The following PSKH1 variants were observed in gnomAD, a reference collection of about 807,000 sequenced individuals.
PSKH1 encodes serine/threonine-protein kinase H1.
In PSKH1, 12 loss-of-function variants were observed where a neutral mutation model predicts 26.7. The observed-to-expected ratio is 0.45, with a 90% CI of 0.29 to 0.73. The LOEUF (loss-of-function observed/expected upper bound fraction) is 0.73. PSKH1 is among the 30% of genes least tolerant of loss of function. The pLI, the probability that PSKH1 is intolerant of heterozygous loss-of-function variation, is 0.11. For synonymous variants in PSKH1, 213 were observed against 234.3 expected (o/e 0.91, Z 0.83); for missense variants, 431 against 595.2 (o/e 0.72, Z 2.87).
intron 2 of PSKH1, among the ~76,000 whole-genome samples, chr16:67,920,248 C>A (rs1321539814): frequency 1.3e-5 from 2 of 152,138 alleles, no homozygotes; most frequent in Non-Finnish European, 2.9e-5. Flanking sequence ...ATTCTGACCT[C>A]TTTATTTATT....
chr16:67,896,535 CTTTTT>C (rs959626962), intron 1 of PSKH1, among the ~76,000 whole-genome samples: 1 of 80,952 alleles, frequency 1.2e-5, no homozygotes, highest in Non-Finnish European at 2.4e-5. Flanking sequence ...TAGTGTGCTT[CTTTTT>C]TTTTTTTTTT....
intron 2 of PSKH1, among the ~76,000 whole-genome samples, chr16:67,923,892 A>T (rs1274401478): frequency 1.3e-5 from 2 of 152,202 alleles, no homozygotes. Context: ...CTCCAGGGGA[A>T]GCAGGTGGGT....
At chr16:67,904,402 T>C (rs935390027) in intron 1 of PSKH1, among the ~76,000 whole-genome samples, 2 of 151,916 alleles carry the variant, frequency 1.3e-5, no homozygotes, top group African/African-American at 4.8e-5. Context: ...GATGGGGTTT[T>C]ACCATATTGG....
chr16:67,925,703 G>A (rs913487334), intron 2 of PSKH1, among the ~76,000 whole-genome samples: 4 of 152,140 alleles, frequency 2.6e-5, no homozygotes, highest in Admixed American at 6.5e-5. Flanking sequence ...TGATGAGGAT[G>A]ACCCTGTTAG....
chr16:67,899,411 C>T (rs559318783), intron 1 of PSKH1, among the ~76,000 whole-genome samples: 1 of 148,902 alleles, frequency 6.7e-6, no homozygotes, highest in East Asian at 2.0e-4. Context: ...TCTCGGCTCA[C>T]TGCAAGCTCC....
intron 1 of PSKH1, 35 bp from the exon 2 acceptor site, chr16:67,908,645 C>A: frequency 1.0e-6 from 1 of 984,674 alleles, no homozygotes; most frequent in Non-Finnish European, 1.5e-6. Flanking sequence ...TAGAGTTGGC[C>A]TGGCTGTGCT....
chr16:67,920,128 T>C (rs2058198112), intron 2 of PSKH1, among the ~76,000 whole-genome samples: 1 of 152,148 alleles, frequency 6.6e-6, no homozygotes, highest in South Asian at 2.1e-4. Context: ...CCCCTCCCTC[T>C]CCTGTCTTTT....
chr16:67,921,985 T>A (rs896566987), intron 2 of PSKH1, among the ~76,000 whole-genome samples: 13 of 152,002 alleles, frequency 8.6e-5, no homozygotes, highest in East Asian at 5.8e-4. Context: ...TTTTTTTTTT[T>A]AATTCTCTAC....
At chr16:67,916,828 A>G (rs2058189164) in intron 2 of PSKH1, among the ~76,000 whole-genome samples, 1 of 152,130 alleles carries the variant, frequency 6.6e-6, no homozygotes, top group Non-Finnish European at 1.5e-5. Flanking sequence ...CAGGAGGGAC[A>G]TCAGCTTGTA....
rs568228855 is a variant in PSKH1 at position 67,909,235 on chromosome 16, C to T, written c.486C>T (p.Phe162=). The T allele has an allele frequency of 5.6e-6, 9 of 1,614,036 alleles. No homozygotes were observed. Among genetic ancestry groups the T allele is most frequent in the African/African-American group, 4.0e-5 (3 of 74,996 alleles). ...ACATCATCCAGCTGGTGGAGGTGTT[C>T]GAGACACAGGAGCGGGTGTACATGG... ...HANIIQLVEV[F]ETQERVYMVM... Residue 162 remains phenylalanine (F), a synonymous_variant, in exon 2 of 3, where the codon TTC becomes TTT. Coordinates refer to ENST00000291041, the MANE Select transcript of PSKH1 (RefSeq NM_006742.3). This position sits in a 1 kb window ranked among gnomAD's most constrained non-coding sequence, Gnocchi z 7.8.
chr16:67,923,410 C>G (rs370900776), intron 2 of PSKH1, among the ~76,000 whole-genome samples: 19 of 152,276 alleles, frequency 1.2e-4, no homozygotes, highest in East Asian at 5.8e-4. Context: ...CCTCTTGAAG[C>G]AGGACCCAGC....
intron 2 of PSKH1, among the ~76,000 whole-genome samples, chr16:67,926,790 C>T (rs1405024099): frequency 6.6e-6 from 1 of 151,912 alleles, no homozygotes; most frequent in Non-Finnish European, 1.5e-5. Context: ...ATCTAGTTGC[C>T]TTGAATTGTT....
chr16:67,913,584 C>G (rs554298332), intron 2 of PSKH1, among the ~76,000 whole-genome samples: 66 of 152,264 alleles, frequency 4.3e-4, no homozygotes, highest in Non-Finnish European at 1.6e-4. Flanking sequence ...GACCGTCTAG[C>G]TGTGAAGTGA....
intron 1 of PSKH1, among the ~76,000 whole-genome samples, chr16:67,904,368 A>T (rs114369787): frequency 0.032 from 4,896 of 151,604 alleles, 243 homozygotes; most frequent in African/African-American, 0.1. Flanking sequence ...CGCCCGACTA[A>T]TATTTTTGTA....
intron 2 of PSKH1, among the ~76,000 whole-genome samples, chr16:67,910,864 C>T (rs763425224): frequency 1.3e-5 from 2 of 152,224 alleles, no homozygotes; most frequent in South Asian, 2.1e-4. Context: ...GCTTCTTGTG[C>T]GCCAGCAAAC....
chr16:67,905,200 T>C (rs906266108), intron 1 of PSKH1, among the ~76,000 whole-genome samples: 2 of 152,202 alleles, frequency 1.3e-5, no homozygotes, highest in Admixed American at 1.3e-4. Context: ...CAGATCTGAA[T>C]GCCTCTTTTC....
chr16:67,903,911 G>A (rs543391816), intron 1 of PSKH1, among the ~76,000 whole-genome samples: 4 of 146,618 alleles, frequency 2.7e-5, no homozygotes, highest in African/African-American at 7.6e-5. Flanking sequence ...GTGTAGTGGT[G>A]TGATTATCGC....
chr16:67,907,250 A>G (rs1483758329), intron 1 of PSKH1, among the ~76,000 whole-genome samples: 1 of 148,120 alleles, frequency 6.8e-6, no homozygotes, highest in African/African-American at 2.5e-5. Flanking sequence ...GACCTGAGCC[A>G]CCGCGCCTGG....
chr16:67,916,578 G>A (rs543595685), intron 2 of PSKH1, among the ~76,000 whole-genome samples: 3 of 152,250 alleles, frequency 2.0e-5, no homozygotes, highest in South Asian at 4.2e-4. Context: ...GTTTGTTGTT[G>A]GGAGCCCTCT....
Sources: allele counts gnomAD v4.1 joint callset (sites outside exome capture counted in the v4.1 genomes callset), GRCh38; gene constraint gnomAD v4.1.1; non-coding constraint Gnocchi (gnomAD v3.1); transcripts MANE v1.5; gene names NCBI Gene and HGNC (gene_info 2026-07-23, HGNC 2026-07-21).